Variants in CCDC7 observed in about 807,000 individuals in gnomAD.
The protein encoded by CCDC7 is coiled-coil domain-containing protein 7.
In CCDC7, 183 loss-of-function variants were observed where a neutral mutation model predicts 196.9. That is an observed-to-expected ratio of 0.93 (90% CI 0.82 to 1.05). The LOEUF is 1.05. CCDC7 is among the 50% of genes least tolerant of loss of function. The probability of loss-of-function intolerance (pLI) is 0.00; values close to 1 mark genes in which losing one functional copy is unlikely to be tolerated. For missense variants in CCDC7, 1,540 were observed against 1,482.2 expected, an observed-to-expected ratio of 1.04 and a Z score of -0.64; for synonymous variants, 525 against 484.6, an observed-to-expected ratio of 1.08 and a Z score of -1.10.
chr10:32,756,373 C>A (rs1422922063), intron 28 of CCDC7, among the ~76,000 whole-genome samples: 1 of 152,208 alleles, frequency 6.6e-6, no homozygotes, highest in Non-Finnish European at 1.5e-5. Context: ...TCGCGTTACC[C>A]ACAAAGGGAA....
chr10:32,581,745 A>G (rs564696054), intron 16 of CCDC7, among the ~76,000 whole-genome samples: 2 of 152,246 alleles, frequency 1.3e-5, no homozygotes, highest in South Asian at 4.1e-4. Context: ...TCTCATTGTT[A>G]TAAGAAAATT....
chr10:32,533,861 T>TTA (rs1265620010), intron 11 of CCDC7, among the ~76,000 whole-genome samples: 1 of 152,148 alleles, frequency 6.6e-6, no homozygotes, highest in African/African-American at 2.4e-5. Context: ...AGCTTCATTA[T>TTA]TATATGTCTT....
chr10:32,602,497 C>T (rs2061158729), intron 18 of CCDC7, among the ~76,000 whole-genome samples: 2 of 152,102 alleles, frequency 1.3e-5, no homozygotes, highest in South Asian at 2.1e-4. Context: ...GAGCTTGGAG[C>T]TTTCTATTCC....
At chr10:32,548,473 G>C (rs566469924) in intron 13 of CCDC7, among the ~76,000 whole-genome samples, 1 of 152,286 alleles carries the variant, frequency 6.6e-6, no homozygotes, top group Middle Eastern at 3.4e-3. Flanking sequence ...GGAAAAGGTT[G>C]TTTACTGAAA....
At chr10:32,660,610 G>C (rs1369806475) in intron 20 of CCDC7, among the ~76,000 whole-genome samples, 58 of 148,242 alleles carry the variant, frequency 3.9e-4, no homozygotes, top group African/African-American at 1.3e-3. Flanking sequence ...CTTTATAGCA[G>C]CATGATTTAT....
chr10:32,732,154 A>G lies in CCDC7; in HGVS notation c.2905+2697A>G, dbSNP rs537584300. ...AGTTTTTTTCACTTTTTATTGGGTT[A>G]AAAGCCTTTCTTTTTGCAACTGAGA... is the stretch of plus-strand genomic sequence containing the variant. On this transcript the variant is annotated intron_variant, in intron 28 of 41. Transcript: ENST00000639629. Among the ~76,000 whole-genome samples the G allele has an allele frequency of 2.6e-5, 4 of 152,316 alleles. No individual in the cohort carries two copies. The South Asian group carries it at 6.2e-4, about 24-fold the overall frequency.
At position 32,755,690 on chromosome 10, in the gene CCDC7, GC is replaced by G. The variant is rs905627182; in HGVS notation, c.2906-23285del. Among the ~76,000 whole-genome samples the G allele has an allele frequency of 2.9e-4, 44 of 152,082 alleles. 1 individual carries two copies. Among genetic ancestry groups the G allele is most frequent in the Non-Finnish European group, 1.0e-4 (7 of 68,028 alleles). ...AGCTGAAAATTCTAAAAATCAGACT[GC>G]CTCTTCTCCTCCAAAGGAATGCAGA... On this transcript the variant is annotated intron_variant, in intron 28 of 41. Transcript: ENST00000639629.
chr10:32,460,850 G>T (rs995749990), intron 3 of CCDC7, among the ~76,000 whole-genome samples: 1 of 152,112 alleles, frequency 6.6e-6, no homozygotes, highest in Non-Finnish European at 1.5e-5. Context: ...GTAGGGTAGC[G>T]TGGGGCCTGA....
At position 32,814,259 on chromosome 10, in the gene CCDC7, C is replaced by A. The variant is rs1465756527; in HGVS notation, c.3098-111C>A. On this transcript the variant is annotated intron_variant, in intron 30 of 41. Coordinates refer to ENST00000639629, the Ensembl canonical transcript of CCDC7. ...AGGCGTGAGCCACCGTGCCCAGCCA[C>A]AAATATTTTAAGTTAGTAACACACA... The A allele has an allele frequency of 2.1e-5, 17 of 802,352 alleles. No individual in the cohort carries two copies. In the South Asian group the frequency reaches 2.6e-4, roughly 12 times the overall value. The allele number at this position is 802,352 out of a possible 1,614,324, so 49.7% of individuals were successfully genotyped here.
At chr10:32,582,190 C>T (rs2058818259) in intron 16 of CCDC7, among the ~76,000 whole-genome samples, 1 of 142,484 alleles carries the variant, frequency 7.0e-6, no homozygotes. Context: ...TTTTTATAAC[C>T]CAAACTTTGC....
intron 18 of CCDC7, among the ~76,000 whole-genome samples, chr10:32,595,443 T>G (rs2060228627): frequency 6.6e-6 from 1 of 152,330 alleles, no homozygotes; most frequent in Admixed American, 6.5e-5. Context: ...CTCTCTTTTC[T>G]TTTTAGTCTT....
Position 32,796,718 on chromosome 10 carries a change from T to G in CCDC7, c.3014-8297T>G, listed in dbSNP as rs182207075. 2.0e-5 allele frequency among the ~76,000 whole-genome samples: 3 copies of G among 152,290 alleles called. No individual in the cohort carries two copies. In the East Asian group the frequency reaches 5.8e-4, roughly 29 times the overall value. On this transcript the variant is annotated intron_variant, in intron 29 of 41. Coordinates refer to ENST00000639629, the Ensembl canonical transcript of CCDC7. ...TTTCACACTTTATGAGATATCTATT[T>G]CCCAGAATTCAGTATTTGGAATTCC...
At chr10:32,461,764 T>TGC (rs2035794928) in intron 3 of CCDC7, among the ~76,000 whole-genome samples, 9 of 125,700 alleles carry the variant, frequency 7.2e-5, no homozygotes, top group African/African-American at 1.8e-4. Context: ...TATATATATA[T>TGC]GCACATATGT....
chr10:32,647,760 T>C (rs926454022), intron 20 of CCDC7, among the ~76,000 whole-genome samples: 1 of 152,260 alleles, frequency 6.6e-6, no homozygotes, highest in African/African-American at 2.4e-5. Context: ...ATGAATACTT[T>C]CTCTGATTCT....
intron 2 of CCDC7, among the ~76,000 whole-genome samples, chr10:32,455,901 A>AT (rs200393692): frequency 3.9e-4 from 57 of 147,630 alleles, no homozygotes; most frequent in Middle Eastern, 3.5e-3. Flanking sequence ...ACACCAAGAG[A>AT]TTTTTTTTTT....
intron 31 of CCDC7, among the ~76,000 whole-genome samples, chr10:32,819,102 A>C (rs897136300): frequency 4.6e-5 from 7 of 152,230 alleles, no homozygotes; most frequent in Admixed American, 1.3e-4. Context: ...AGAAGAATCA[A>C]ATAGACGCAA....
At chr10:32,695,289 G>C (rs1014731034) in intron 24 of CCDC7, among the ~76,000 whole-genome samples, 2 of 152,186 alleles carry the variant, frequency 1.3e-5, no homozygotes, top group African/African-American at 4.8e-5. Context: ...ATGAGTCCAA[G>C]TGTTCAACAG....
At chr10:32,535,552 T>G (rs1346628865) in intron 11 of CCDC7, among the ~76,000 whole-genome samples, 1 of 152,128 alleles carries the variant, frequency 6.6e-6, no homozygotes, top group Non-Finnish European at 1.5e-5. Context: ...GACTGGCAGT[T>G]GATTGAAAGA....
intron 18 of CCDC7, among the ~76,000 whole-genome samples, chr10:32,608,205 C>T (rs2061728182): frequency 6.6e-6 from 1 of 151,656 alleles, no homozygotes; most frequent in African/African-American, 2.4e-5. Flanking sequence ...TTTTTTGTTG[C>T]TTAGTCCAGC....
Sources: allele counts gnomAD v4.1 joint callset (sites outside exome capture counted in the v4.1 genomes callset), GRCh38; gene constraint gnomAD v4.1.1; transcripts MANE v1.5; gene names NCBI Gene and HGNC (gene_info 2026-07-23, HGNC 2026-07-21).